Variants in CHL1 observed in about 807,000 individuals in gnomAD.
The protein encoded by CHL1 is cell adhesion molecule L1 like, also known as neural cell adhesion molecule L1-like protein.
A neutral mutation model predicts 141.9 loss-of-function variants in CHL1; 96 were observed. That is an observed-to-expected ratio of 0.68 (90% CI 0.57 to 0.80). The LOEUF is 0.80. Ranked by LOEUF, CHL1 falls within the 30% of genes least tolerant of loss-of-function variation. CHL1 has a pLI of 0.00. For synonymous variants in CHL1, 613 were observed against 502.2 expected (o/e 1.22, Z -2.95); for missense variants, 1,820 against 1,457.2 (o/e 1.25, Z -4.05).
intron 1 of CHL1, among the ~76,000 whole-genome samples, chr3:231,815 G>C (rs1012540211): frequency 2.0e-5 from 3 of 151,884 alleles, no homozygotes; most frequent in African/African-American, 7.3e-5. Flanking sequence ...GACCTCTGGT[G>C]ATCCACCCTC....
At position 335,271 on chromosome 3, in the gene CHL1, T is replaced by C. The variant is rs550213644; in HGVS notation, c.386-5523T>C. On this transcript the variant is annotated intron_variant, in intron 5 of 27. Coordinates refer to ENST00000256509, the MANE Select transcript of CHL1 (RefSeq NM_006614.4). ...GGTGCAACTTTGAATTCTAAAGCTT[T>C]AATTAAGTTCGAGGATTTTACTCTG... is the stretch of plus-strand genomic sequence containing the variant. Among the ~76,000 whole-genome samples the C allele has an allele frequency of 6.6e-5, 10 of 152,320 alleles. No individual in the cohort carries two copies. In the East Asian group the frequency reaches 1.9e-3, roughly 29 times the overall value.
intron 3 of CHL1, among the ~76,000 whole-genome samples, chr3:322,635 A>T (rs976360837): frequency 9.0e-6 from 1 of 111,258 alleles, no homozygotes; most frequent in African/African-American, 4.3e-5. Flanking sequence ...TAAATTATAT[A>T]TATATATAAA....
chr3:206,567 T>C (rs1177894592), intron 1 of CHL1, among the ~76,000 whole-genome samples: 1 of 151,590 alleles, frequency 6.6e-6, no homozygotes, highest in Non-Finnish European at 1.5e-5. Flanking sequence ...CTACAAAAAA[T>C]ATATAAATAA....
At position 267,100 on chromosome 3, in the gene CHL1, C is replaced by G. The variant is rs568383470; in HGVS notation, c.-95+22408C>G. Reference sequence around the variant, plus strand: ...TTTTTGCAGTATGTATTTCCTATTTCACAGTAGTAGGGACCCTACGCTCTA... The same window carrying G: ...TTTTTGCAGTATGTATTTCCTATTTGACAGTAGTAGGGACCCTACGCTCTA... On this transcript the variant is annotated intron_variant, in intron 2 of 27. Coordinates refer to ENST00000256509, the MANE Select transcript of CHL1 (RefSeq NM_006614.4). Among the ~76,000 whole-genome samples the G allele has an allele frequency of 7.2e-5, 11 of 152,282 alleles. No homozygotes were observed. In the East Asian group the frequency reaches 2.1e-3, roughly 29 times the overall value.
At chr3:373,832 G>A (rs748219722) in intron 15 of CHL1, 1 of 152,256 alleles carries the variant, frequency 6.6e-6, no homozygotes, top group South Asian at 2.1e-4. Flanking sequence ...CCCTTGGCTG[G>A]GGGGAAGGGT....
At chr3:201,600 C>A (rs1356148290) in intron 1 of CHL1, among the ~76,000 whole-genome samples, 1 of 152,090 alleles carries the variant, frequency 6.6e-6, no homozygotes, top group Non-Finnish European at 1.5e-5. Flanking sequence ...TCTCAAAATT[C>A]ATAGTTTGCT....
chr3:363,507 A>C, intron 14 of CHL1, 124 bp downstream of exon 14: 1 of 889,514 alleles, frequency 1.1e-6, no homozygotes, highest in Non-Finnish European at 1.7e-6. Flanking sequence ...ACCGTTTTTC[A>C]AAATTCCTAG....
intron 2 of CHL1, among the ~76,000 whole-genome samples, chr3:313,544 A>G (rs1322734365): frequency 1.3e-5 from 2 of 152,218 alleles, no homozygotes; most frequent in Admixed American, 1.3e-4. Flanking sequence ...TAAACATGAC[A>G]TCATGACTGT....
Position 354,752 on chromosome 3 carries a change from C to A in CHL1, c.1146C>A (p.Val382=). 6.2e-7 allele frequency: 1 copy of A among 1,613,676 alleles called. No homozygotes were observed. The highest frequency in any genetic ancestry group is 8.5e-7 in the Non-Finnish European group (1 of 1,179,782). Residue 382 remains valine (V), a synonymous_variant, in exon 11 of 28, where the codon GTC becomes GTA. Transcript: ENST00000256509. ...GEPQPTIKWR[V]NGSPVDNHPF... ...CTCAACCCACAATCAAGTGGAGAGT[C>A]AATGGCTCCCCAGTTGACAGTAAGT...
intron 5 of CHL1, among the ~76,000 whole-genome samples, chr3:330,613 T>A (rs1701361688): frequency 6.6e-6 from 1 of 152,202 alleles, no homozygotes; most frequent in Non-Finnish European, 1.5e-5. Context: ...TTCTATTTAT[T>A]GGAAGAATCT....
At chr3:348,715 G>A (rs1702975344) in intron 9 of CHL1, among the ~76,000 whole-genome samples, 1 of 152,174 alleles carries the variant, frequency 6.6e-6, no homozygotes, top group Non-Finnish European at 1.5e-5. Flanking sequence ...GCTAAGCAAG[G>A]GAAGATTTGG....
intron 2 of CHL1, among the ~76,000 whole-genome samples, chr3:253,570 A>G (rs1378020052): frequency 4.6e-5 from 7 of 152,120 alleles, no homozygotes; most frequent in Non-Finnish European, 1.0e-4. Flanking sequence ...GGTTCCTGTG[A>G]CCCACTAATG....
chr3:223,107 T>C (rs898079965), intron 1 of CHL1, among the ~76,000 whole-genome samples: 1 of 152,152 alleles, frequency 6.6e-6, no homozygotes, highest in Non-Finnish European at 1.5e-5. Flanking sequence ...CAATGTAAGG[T>C]AATATTCTCA....
At chr3:225,480 T>A (rs1436732031) in intron 1 of CHL1, among the ~76,000 whole-genome samples, 1 of 152,272 alleles carries the variant, frequency 6.6e-6, no homozygotes, top group Non-Finnish European at 1.5e-5. Flanking sequence ...TAATGTTTAC[T>A]TTCCTCAAGC....
chr3:367,583 A>G (rs151189976), intron 15 of CHL1, among the ~76,000 whole-genome samples: 4 of 152,320 alleles, frequency 2.6e-5, no homozygotes, highest in Admixed American at 2.6e-4. Context: ...TACCAACTGC[A>G]CAGTCCATTT....
chr3:213,677 G>C (rs1453876498), intron 1 of CHL1: 1 of 152,168 alleles, frequency 6.6e-6, no homozygotes, highest in East Asian at 1.9e-4. Flanking sequence ...TTAGAATAGA[G>C]AAAGATTATT....
chr3:303,906 C>A (rs1698985782), intron 2 of CHL1, among the ~76,000 whole-genome samples: 2 of 152,028 alleles, frequency 1.3e-5, no homozygotes, highest in Admixed American at 6.6e-5. Flanking sequence ...TCCATTGATA[C>A]CTAGTTTATT....
At position 354,755 on chromosome 3, in the gene CHL1, T is replaced by C. The variant is rs1703569854; in HGVS notation, c.1149T>C (p.Asn383=). ...AACCCACAATCAAGTGGAGAGTCAATGGCTCCCCAGTTGACAGTAAGTTTA... is the reference window on the plus strand; with the variant it reads ...AACCCACAATCAAGTGGAGAGTCAACGGCTCCCCAGTTGACAGTAAGTTTA... ...EPQPTIKWRV[N]GSPVDNHPFA... The change falls in exon 11 of 28, where the codon AAT becomes AAC. Residue 383 remains asparagine, a synonymous_variant. Coordinates refer to ENST00000256509, the MANE Select transcript of CHL1 (RefSeq NM_006614.4). 2 of 1,613,722 alleles carry C rather than the reference T, an allele frequency of 1.2e-6. No homozygotes were observed. Among genetic ancestry groups the C allele is most frequent in the Non-Finnish European group, 1.7e-6 (2 of 1,179,800 alleles).
At chr3:270,574 T>C (rs576254216) in intron 2 of CHL1, among the ~76,000 whole-genome samples, 28 of 152,296 alleles carry the variant, frequency 1.8e-4, no homozygotes, top group African/African-American at 4.6e-4. Flanking sequence ...ACCAAGCTGA[T>C]GAGACATCTA....
Sources: gnomAD v4.1 joint callset for allele counts (sites outside exome capture counted in the v4.1 genomes callset) on GRCh38, gnomAD v4.1.1 for gene constraint, MANE v1.5 for transcripts, NCBI Gene and HGNC (gene_info 2026-07-23, HGNC 2026-07-21) for gene names.